The following CDK13 variants were observed in gnomAD, a reference collection of about 807,000 sequenced individuals.
CDK13 encodes cyclin-dependent kinase 13.
In CDK13, 40 loss-of-function variants were observed where a neutral mutation model predicts 137.6. The observed-to-expected ratio is 0.29, with a 90% CI of 0.23 to 0.38. The LOEUF (loss-of-function observed/expected upper bound fraction) is 0.38. Ranked by LOEUF, CDK13 falls within the 10% of genes least tolerant of loss-of-function variation. The probability of loss-of-function intolerance (pLI) is 1.00; values close to 1 mark genes in which losing one functional copy is unlikely to be tolerated. For missense variants in CDK13, 1,704 were observed against 1,951.8 expected, an observed-to-expected ratio of 0.87 and a Z score of 2.39; for synonymous variants, 869 against 760.1, an observed-to-expected ratio of 1.14 and a Z score of -2.36.
At chr7:40,029,485 G>A (rs1029951388) in intron 5 of CDK13, among the ~76,000 whole-genome samples, 1 of 151,724 alleles carries the variant, frequency 6.6e-6, no homozygotes, top group Admixed American at 6.6e-5. Context: ...ACTTTGGGAG[G>A]CTGAGGTGGG....
intron 1 of CDK13, among the ~76,000 whole-genome samples, chr7:39,963,588 T>C (rs972649046): frequency 2.0e-5 from 3 of 152,166 alleles, no homozygotes; most frequent in Non-Finnish European, 2.9e-5. Flanking sequence ...AATTTGACTT[T>C]CTCTTTTCCT....
At position 39,951,473 on chromosome 7, in the gene CDK13, G is replaced by A. The variant is rs201677783; in HGVS notation, c.832G>A (p.Ala278Thr). The A allele has an allele frequency of 8.9e-5, 137 of 1,537,196 alleles. No homozygotes were observed. The highest frequency in any genetic ancestry group is 1.6e-5 in the Non-Finnish European group (18 of 1,142,858). Reference sequence around the variant, plus strand: ...CAGCCGCAAGGACCGGGACTCGAAGGCCCACCGCAGCCGGACTAAGTCGTC... The same window carrying A: ...CAGCCGCAAGGACCGGGACTCGAAGACCCACCGCAGCCGGACTAAGTCGTC... The part of the protein sequence containing the change: ...SSSRKDRDSK[A>T]HRSRTKSSKE... The change falls in exon 1 of 14, where the codon GCC becomes ACC. Residue 278 changes from alanine (A) to threonine (T), a missense_variant. Physicochemically the swap from Ala to Thr is moderately conservative, Grantham distance 58. Coordinates refer to ENST00000181839, the MANE Select transcript of CDK13 (RefSeq NM_003718.5).
rs534014662 is a variant in CDK13 at position 40,092,695 on chromosome 7, T to G, written c.3236-90T>G. The stretch of plus-strand genomic sequence containing the variant: ...TTAAATACTCTCCCTCAAATATATA[T>G]TTTCATATGGTAATACAGAGCCATT... On this transcript the variant is annotated intron_variant, in intron 12 of 13. Coordinates refer to ENST00000181839, the MANE Select transcript of CDK13 (RefSeq NM_003718.5). 201 of 840,592 alleles carry G rather than the reference T, an allele frequency of 2.4e-4. No homozygotes were observed. In the East Asian group the frequency reaches 5.0e-3, roughly 21 times the overall value. 52.1% of individuals were successfully genotyped at this position (840,592 alleles called of 1,614,324 possible). A position where few individuals can be genotyped will look rare whatever the true frequency, so the allele number is the denominator to read the frequency against.
At chr7:40,085,190 G>A (rs969105396) in intron 11 of CDK13, among the ~76,000 whole-genome samples, 1 of 152,022 alleles carries the variant, frequency 6.6e-6, no homozygotes, top group African/African-American at 2.4e-5. Flanking sequence ...GGGAAACCCC[G>A]TCTCTACTAA....
chr7:39,951,992 AGG>A (rs1442524403), intron 1 of CDK13, 140 bp downstream of exon 1: 14 of 936,828 alleles, frequency 1.5e-5, no homozygotes, highest in Non-Finnish European at 1.8e-5. Flanking sequence ...CCTCCCAGGA[AGG>A]ATAGGCGTTT....
At chr7:40,024,736 T>C (rs1187539815) in intron 5 of CDK13, among the ~76,000 whole-genome samples, 1 of 139,070 alleles carries the variant, frequency 7.2e-6, no homozygotes, top group Non-Finnish European at 1.5e-5. Flanking sequence ...TGATCTCTGC[T>C]CACTGCAGCC....
chr7:40,065,219 C>T (rs774959176), intron 9 of CDK13, among the ~76,000 whole-genome samples: 3 of 151,850 alleles, frequency 2.0e-5, no homozygotes, highest in Middle Eastern at 3.4e-3. Flanking sequence ...AACTCCAAAA[C>T]GTTGAAATAC....
chr7:40,030,249 ATATG>A (rs1785343595), intron 5 of CDK13, among the ~76,000 whole-genome samples: 2 of 143,886 alleles, frequency 1.4e-5, no homozygotes, highest in Admixed American at 6.7e-5. Context: ...GTGTGTGTGT[ATATG>A]TGTGTGTGTA....
At position 40,096,418 on chromosome 7, in the gene CDK13, T is replaced by TGTGTGCACACTCTCACACATACAC; in HGVS notation, c.*1439_*1462dup. 6.6e-6 allele frequency: 1 copy of TGTGTGCACACTCTCACACATACAC among 152,266 alleles called. No individual in the cohort carries two copies. Among genetic ancestry groups the TGTGTGCACACTCTCACACATACAC allele is most frequent in the Non-Finnish European group, 1.5e-5 (1 of 68,000 alleles). 9.4% of individuals were successfully genotyped at this position (152,266 alleles called of 1,614,324 possible). On this transcript the variant is annotated 3_prime_UTR_variant, in exon 14 of 14. Transcript: ENST00000181839. ...AAACTGTAATGGTGTCAAGTCTCAC[T>TGTGTGCACACTCTCACACATACAC]GTGTGCACACTCTCACACATACACA...
intron 2 of CDK13, among the ~76,000 whole-genome samples, chr7:39,995,826 G>A (rs1050015206): frequency 6.6e-6 from 1 of 152,120 alleles, no homozygotes; most frequent in Non-Finnish European, 1.5e-5. Flanking sequence ...TGGCCAACAT[G>A]GTGAAACCCC....
intron 5 of CDK13, among the ~76,000 whole-genome samples, chr7:40,021,264 AG>A (rs763039575): frequency 1.3e-5 from 2 of 152,272 alleles, no homozygotes; most frequent in South Asian, 2.1e-4. Context: ...TGGGAGGCTG[AG>A]GCGGGTGGAT....
rs557385680 is a variant in CDK13 at position 39,967,921 on chromosome 7, C to G, written c.1211+16069C>G. ...AAAAAAAAATTGAGATGGGATCTTG[C>G]TATGTTGCCCAGGCTGGTCTCAAAC... On this transcript the variant is annotated intron_variant, in intron 1 of 13. Transcript: ENST00000181839. Among the ~76,000 whole-genome samples the G allele has an allele frequency of 2.0e-5, 3 of 152,134 alleles. No homozygotes were observed. In the East Asian group the frequency reaches 5.8e-4, roughly 29 times the overall value.
intron 1 of CDK13, among the ~76,000 whole-genome samples, chr7:39,982,121 C>T (rs1185638733): frequency 1.3e-5 from 2 of 150,138 alleles, no homozygotes; most frequent in African/African-American, 2.5e-5. Flanking sequence ...CCCATTAACT[C>T]GTCATTTAGC....
rs781145037 is a variant in CDK13, at chr7:39,987,957, C to T, written c.1570C>T (p.Pro524Ser). The T allele has an allele frequency of 6.2e-7, 1 of 1,613,962 alleles. No homozygotes were observed. The highest frequency in any genetic ancestry group is 2.2e-5 in the East Asian group (1 of 44,896). ...DVKKIKIEHA[P>S]SPSSGGTLKN... ...GAAGAAAATTAAAATTGAACATGCA[C>T]CTTCTCCCTCAAGTGGTGGAACTTT... The change falls in exon 2 of 14, where the codon CCT becomes TCT. Residue 524 changes from proline to serine, a missense_variant. By Grantham distance (74) the Pro-to-Ser change is moderately conservative. Transcript: ENST00000181839.
chr7:39,950,399 G>T lies in CDK13; in HGVS notation c.-243G>T. 1 of 1,228,732 alleles carries T rather than the reference G, an allele frequency of 8.1e-7. No individual in the cohort carries two copies. The highest frequency in any genetic ancestry group is 1.0e-6 in the Non-Finnish European group (1 of 985,948). 76.1% of individuals were successfully genotyped at this position (1,228,732 alleles called of 1,614,324 possible). A position where few individuals can be genotyped will look rare whatever the true frequency, so the allele number is the denominator to read the frequency against. On this transcript the variant is annotated 5_prime_UTR_variant, in exon 1 of 14. Coordinates refer to ENST00000181839, the MANE Select transcript of CDK13 (RefSeq NM_003718.5). The stretch of plus-strand genomic sequence containing the variant: ...CGCTGCCGAGGATAGGACGACGAGC[G>T]CAATCGGGAGCTCCGCCGCCCGGAT...
chr7:40,055,881 T>A (rs1274817543), intron 7 of CDK13, among the ~76,000 whole-genome samples: 1 of 152,018 alleles, frequency 6.6e-6, no homozygotes, highest in Non-Finnish European at 1.5e-5. Flanking sequence ...CACGCCCGGA[T>A]GGATTTTCTT....
At chr7:39,961,798 C>G (rs1361605075) in intron 1 of CDK13, among the ~76,000 whole-genome samples, 1 of 152,146 alleles carries the variant, frequency 6.6e-6, no homozygotes, top group Non-Finnish European at 1.5e-5. Context: ...CCCCCTACCC[C>G]ACAACAGTCC....
rs1205593388 is a variant in CDK13 at position 39,951,585 on chromosome 7, C to T, written c.944C>T (p.Ser315Phe). The change falls in exon 1 of 14, where the codon TCC (serine) becomes TTC (phenylalanine). Residue 315 changes from serine (S) to phenylalanine (F), a missense_variant. Transcript: ENST00000181839. ...CCTAAGGCCTACAGGCGGCGGCGGT[C>T]CCTCAGCCCACTGGGAGGCCGGGAC... is the stretch of plus-strand genomic sequence containing the variant. ...TEPKAYRRRR[S>F]LSPLGGRDDS... 2.0e-6 allele frequency: 3 copies of T among 1,501,362 alleles called. No individual in the cohort carries two copies. The highest frequency in any genetic ancestry group is 2.7e-6 in the Non-Finnish European group (3 of 1,127,100). The allele number at this position is 1,501,362 out of a possible 1,614,324, so 93.0% of individuals were successfully genotyped here.
At chr7:40,021,120 T>TAC (rs1456910118) in intron 5 of CDK13, among the ~76,000 whole-genome samples, 7 of 108,030 alleles carry the variant, frequency 6.5e-5, no homozygotes, top group African/African-American at 1.7e-4. Context: ...TATATATATA[T>TAC]ATACACACAC....
Sources: allele counts gnomAD v4.1 joint callset (sites outside exome capture counted in the v4.1 genomes callset), GRCh38; gene constraint gnomAD v4.1.1; transcripts MANE v1.5; gene names NCBI Gene and HGNC (gene_info 2026-07-23, HGNC 2026-07-21).